The following KIAA0825 variants were observed in gnomAD, a reference collection of about 807,000 sequenced individuals.
The protein encoded by KIAA0825 is uncharacterized protein KIAA0825.
A neutral mutation model predicts 147.6 loss-of-function variants in KIAA0825; 119 were observed. That is an observed-to-expected ratio of 0.81 (90% confidence interval 0.69 to 0.94). The LOEUF is 0.94. Ranked by LOEUF, KIAA0825 falls within the 40% of genes least tolerant of loss-of-function variation. The probability of loss-of-function intolerance (pLI) is 0.00; values close to 1 mark genes in which losing one functional copy is unlikely to be tolerated. For missense variants in KIAA0825, 1,381 were observed against 1,472.7 expected (o/e 0.94, Z 1.02); for synonymous variants, 470 against 518.1 (o/e 0.91, Z 1.26).
intron 9 of KIAA0825, among the ~76,000 whole-genome samples, chr5:94,470,898 A>G (rs1761137590): frequency 6.6e-6 from 1 of 152,210 alleles, no homozygotes; most frequent in African/African-American, 2.4e-5. Flanking sequence ...GAAAGACCAT[A>G]TGATAATTAA....
chr5:94,277,141 T>G (rs2150150090), intron 20 of KIAA0825, among the ~76,000 whole-genome samples: 1 of 152,274 alleles, frequency 6.6e-6, no homozygotes, highest in South Asian at 2.1e-4. Flanking sequence ...TTTGATACTC[T>G]GTTTTATTTC....
chr5:94,209,073 A>T (rs1389159024), intron 20 of KIAA0825, among the ~76,000 whole-genome samples: 2 of 152,220 alleles, frequency 1.3e-5, no homozygotes, highest in Non-Finnish European at 2.9e-5. Flanking sequence ...GAAAAAACCC[A>T]TGTGGGGCTT....
intron 20 of KIAA0825, among the ~76,000 whole-genome samples, chr5:94,157,677 C>T (rs1349798362): frequency 6.6e-6 from 1 of 150,418 alleles, no homozygotes; most frequent in Non-Finnish European, 1.5e-5. Flanking sequence ...TGAGCTAAGA[C>T]CTTTCTGTTT....
intron 10 of KIAA0825, among the ~76,000 whole-genome samples, chr5:94,468,576 T>C (rs1310405640): frequency 6.6e-6 from 1 of 152,160 alleles, no homozygotes; most frequent in Non-Finnish European, 1.5e-5. Flanking sequence ...TCTATATGGA[T>C]GCTCTTGCAA....
chr5:94,415,472 G>T (rs534029077), intron 15 of KIAA0825: 42 of 151,694 alleles, frequency 2.8e-4, no homozygotes, highest in Admixed American at 1.6e-3. Context: ...TCTTATTAGG[G>T]TTTTTAAAAT....
intron 20 of KIAA0825, among the ~76,000 whole-genome samples, chr5:94,322,215 T>A (rs1780258025): frequency 6.6e-6 from 1 of 151,960 alleles, no homozygotes; most frequent in South Asian, 2.1e-4. Context: ...AATACAGATG[T>A]ACTAAGCCAC....
At chr5:94,298,529 C>A (rs895432184) in intron 20 of KIAA0825, among the ~76,000 whole-genome samples, 1 of 152,222 alleles carries the variant, frequency 6.6e-6, no homozygotes, top group South Asian at 2.1e-4. Context: ...CTCTTCATTT[C>A]GGGATGGAAA....
chr5:94,462,625 T>C (rs1479451211), intron 11 of KIAA0825, 56 bp from the exon 12 acceptor site: 2 of 1,070,586 alleles, frequency 1.9e-6, no homozygotes, highest in Admixed American at 6.2e-5. Context: ...CTCTGCTTGG[T>C]AGGCACTTTC....
intron 20 of KIAA0825, among the ~76,000 whole-genome samples, chr5:94,302,320 C>CT (rs1014640094): frequency 6.6e-6 from 1 of 152,010 alleles, no homozygotes; most frequent in African/African-American, 2.4e-5. Flanking sequence ...AATTATTTCC[C>CT]TTTTTTTTCT....
At chr5:94,543,585 C>T (rs1773758560) in intron 2 of KIAA0825, among the ~76,000 whole-genome samples, 1 of 152,126 alleles carries the variant, frequency 6.6e-6, no homozygotes, top group Non-Finnish European at 1.5e-5. Context: ...TCCTCTCTAC[C>T]CTGAACACAG....
chr5:94,261,639 C>T (rs1478084161), intron 20 of KIAA0825, among the ~76,000 whole-genome samples: 4 of 152,150 alleles, frequency 2.6e-5, no homozygotes, highest in Non-Finnish European at 5.9e-5. Context: ...CTAGTCTCTT[C>T]CCTAAACCAA....
chr5:94,579,280 A>G (rs1337122306), intron 2 of KIAA0825, among the ~76,000 whole-genome samples: 1 of 152,160 alleles, frequency 6.6e-6, no homozygotes, highest in Non-Finnish European at 1.5e-5. Flanking sequence ...CCTTCTCCTT[A>G]TATACCTCTA....
chr5:94,593,114 C>A (rs968275628), intron 1 of KIAA0825: 2 of 742,548 alleles, frequency 2.7e-6, no homozygotes, highest in Non-Finnish European at 5.0e-6. Flanking sequence ...AATGGCAATA[C>A]CCTGGTGAAT....
intron 15 of KIAA0825, chr5:94,415,521 A>T (rs927769982): frequency 1.3e-5 from 2 of 152,190 alleles, no homozygotes; most frequent in Non-Finnish European, 2.9e-5. Flanking sequence ...AGATATTTTC[A>T]AAGACTTAAA....
At chr5:94,268,036 TCAC>T (rs1332421233) in intron 20 of KIAA0825, among the ~76,000 whole-genome samples, 1 of 152,024 alleles carries the variant, frequency 6.6e-6, no homozygotes, top group Non-Finnish European at 1.5e-5. Context: ...TGTGATTTAG[TCAC>T]CACATTTGTT....
chr5:94,192,973 C>T (rs777909734), intron 20 of KIAA0825, among the ~76,000 whole-genome samples: 9 of 152,238 alleles, frequency 5.9e-5, no homozygotes, highest in Non-Finnish European at 1.0e-4. Context: ...TTCATTTTTG[C>T]AGTGATCAAA....
At chr5:94,554,016 C>A (rs184486696) in intron 2 of KIAA0825, among the ~76,000 whole-genome samples, 1 of 152,276 alleles carries the variant, frequency 6.6e-6, no homozygotes, top group Admixed American at 6.5e-5. Flanking sequence ...TCCCTAGGCA[C>A]ACAACACAGA....
intron 1 of KIAA0825, chr5:94,618,208 T>C (rs980899027): frequency 1.3e-5 from 2 of 152,102 alleles, no homozygotes; most frequent in African/African-American, 4.8e-5. Context: ...GTAGAGAAAC[T>C]CGGCACAACG....
At chr5:94,429,703 C>G (rs1755404927) in intron 14 of KIAA0825, among the ~76,000 whole-genome samples, 1 of 152,178 alleles carries the variant, frequency 6.6e-6, no homozygotes, top group South Asian at 2.1e-4. Flanking sequence ...GGAGCCAGAC[C>G]AGGCAGGTCC....
Sources: allele counts gnomAD v4.1 joint callset (sites outside exome capture counted in the v4.1 genomes callset), GRCh38; gene constraint gnomAD v4.1.1; transcripts MANE v1.5; gene names NCBI Gene and HGNC (gene_info 2026-07-23, HGNC 2026-07-21).